Variants in PINX1 observed in about 807,000 individuals in gnomAD.
The protein encoded by PINX1 is PIN2/TERF1-interacting telomerase inhibitor 1.
PINX1 carries 34 observed loss-of-function variants against 25.4 expected under a neutral mutation model. The ratio of observed to expected loss-of-function variants is 1.34; its 90% CI spans 1.02 to 1.78. The LOEUF (loss-of-function observed/expected upper bound fraction) is 1.78. PINX1 is among the 40% of genes most tolerant of loss of function. PINX1 has a pLI of 0.00. For synonymous variants in PINX1, 197 were observed against 147.7 expected (o/e 1.33, Z -2.42); for missense variants, 592 against 404.9 (o/e 1.46, Z -3.97).
chr8:10,804,328 A>G (rs1375171965), intron 6 of PINX1, among the ~76,000 whole-genome samples: 1 of 152,210 alleles, frequency 6.6e-6, no homozygotes, highest in East Asian at 1.9e-4. Context: ...CAAATAAAAC[A>G]ATGAGCCAGA....
chr8:10,803,223 C>G (rs1378307505), intron 6 of PINX1, among the ~76,000 whole-genome samples: 1 of 152,146 alleles, frequency 6.6e-6, no homozygotes, highest in Admixed American at 6.5e-5. Context: ...AGGTGAATCC[C>G]AGACATCAAG....
rs139007201 is a variant in PINX1 at position 10,765,296 on chromosome 8, G to A, written c.*105C>T. On this transcript the variant is annotated 3_prime_UTR_variant, in exon 7 of 7. Transcript: ENST00000314787. ...AGCCCATGGGCATGCCACAAGATGC[G>A]CCCAGGCGCTCTGGGGTGAACTCTG... The A allele has an allele frequency of 0.013, 14,745 of 1,109,846 alleles. 146 individuals are homozygous for A. Among genetic ancestry groups the A allele is most frequent in the Middle Eastern group, 0.016 (56 of 3,588 alleles). The allele number at this position is 1,109,846 out of a possible 1,614,324, so 68.7% of individuals were successfully genotyped here.
At position 10,782,213 on chromosome 8, in the gene PINX1, T is replaced by C. The variant is rs1801607127; in HGVS notation, c.472-16297A>G. On this transcript the variant is annotated intron_variant, in intron 6 of 6. Coordinates refer to ENST00000314787, the MANE Select transcript of PINX1 (RefSeq NM_017884.6). ...GAGATGTAGGTCAAAGGATGCAAAG[T>C]AGCAGGTGTGTAGGTCCCCACACTG... Among the ~76,000 whole-genome samples the C allele has an allele frequency of 3.3e-5, 5 of 152,214 alleles. No homozygotes were observed. In the South Asian group the frequency reaches 1.0e-3, roughly 32 times the overall value.
chr8:10,833,099 T>G (rs1361609931), intron 2 of PINX1, 115 bp from the exon 3 acceptor site: 3 of 604,126 alleles, frequency 5.0e-6, no homozygotes, highest in Non-Finnish European at 8.7e-6. Context: ...GATGATTCTC[T>G]CCATTAAATA....
Position 10,834,768 on chromosome 8 carries a change from C to A in PINX1, c.27G>T (p.Arg9=), listed in dbSNP as rs758175222. The A allele has an allele frequency of 1.2e-6, 2 of 1,611,498 alleles. No individual in the cohort carries two copies. Among genetic ancestry groups the A allele is most frequent in the Non-Finnish European group, 1.7e-6 (2 of 1,178,718 alleles). The change falls in exon 2 of 7, where the codon CGG becomes CGT. Residue 9 remains arginine, a synonymous_variant. Transcript: ENST00000314787. The stretch of plus-strand genomic sequence containing the variant: ...GAGGATCCACAGCCCACTTCTGCTT[C>A]CGCCGACCTGTAAATGAAAAAGCAT... MSMLAERR[R]KQKWAVDPQN...
chr8:10,834,838 A>C, intron 1 of PINX1, 63 bp from the exon 2 acceptor site: 10 of 1,092,358 alleles, frequency 9.2e-6, no homozygotes, highest in Non-Finnish European at 1.4e-5. Flanking sequence ...CCACACAAAC[A>C]TACACATGCA....
At chr8:10,832,196 AAACT>A (rs1177975530) in intron 3 of PINX1, among the ~76,000 whole-genome samples, 2 of 152,178 alleles carry the variant, frequency 1.3e-5, no homozygotes, top group African/African-American at 4.8e-5. Context: ...CAATTTTACA[AAACT>A]CTGAGGAAGG....
rs746583094 is a variant in PINX1, at chr8:10,834,773, G to A, written c.22C>T (p.Arg8Trp). MSMLAER[R>W]RKQKWAVDPQ... ...TCCACAGCCCACTTCTGCTTCCGCC[G>A]ACCTGTAAATGAAAAAGCATTATCA... Residue 8 changes from arginine to tryptophan, a missense_variant and splice_region_variant, in exon 2 of 7, where the codon CGG (arginine) becomes TGG (tryptophan). Coordinates refer to ENST00000314787, the MANE Select transcript of PINX1 (RefSeq NM_017884.6). 2.5e-5 allele frequency: 41 copies of A among 1,609,478 alleles called. No individual in the cohort carries two copies. The highest frequency in any genetic ancestry group is 4.4e-5 in the South Asian group (4 of 90,454).
chr8:10,781,647 C>T (rs943980219), intron 6 of PINX1, among the ~76,000 whole-genome samples: 5 of 152,190 alleles, frequency 3.3e-5, no homozygotes, highest in African/African-American at 1.2e-4. Context: ...TATCATCCCA[C>T]ACCCATTAGG....
At chr8:10,785,064 T>C (rs1484327237) in intron 6 of PINX1, among the ~76,000 whole-genome samples, 3 of 151,868 alleles carry the variant, frequency 2.0e-5, no homozygotes, top group Non-Finnish European at 4.4e-5. Context: ...ATTTAAATCT[T>C]ACCAAGGAAA....
intron 6 of PINX1, chr8:10,771,353 C>T (rs1038809932): frequency 6.6e-6 from 1 of 152,234 alleles, no homozygotes; most frequent in African/African-American, 2.4e-5. Context: ...ATCCCCTGTA[C>T]ACAGTCCCGT....
At chr8:10,793,841 G>C (rs1398559604) in intron 6 of PINX1, among the ~76,000 whole-genome samples, 1 of 152,152 alleles carries the variant, frequency 6.6e-6, no homozygotes, top group Non-Finnish European at 1.5e-5. Flanking sequence ...GAGTCACTGA[G>C]GAGCCTCTTA....
chr8:10,825,412 A>G (rs916028021), intron 5 of PINX1: 2 of 534,820 alleles, frequency 3.7e-6, no homozygotes, highest in Non-Finnish European at 7.7e-6. Flanking sequence ...TATGTAAACT[A>G]TGTAATAAGT....
At chr8:10,833,047 T>G (rs1384626438) in intron 2 of PINX1, 63 bp from the exon 3 acceptor site, 2 of 1,033,978 alleles carry the variant, frequency 1.9e-6, no homozygotes, top group Non-Finnish European at 2.9e-6. Context: ...AGCAGAGCAC[T>G]GCTACAAAAC....
In PINX1 at chr8:10,820,177, G is replaced by A. The variant is rs370831012; in HGVS notation, c.471+16C>T. On this transcript the variant is annotated intron_variant, in intron 6 of 6. Transcript: ENST00000314787. ...AGTATTAAAGCGGAACACGGAAACT[G>A]TACGTGGCTTTATACCTCGGGAGTC... 93 of 1,528,322 alleles carry A rather than the reference G, an allele frequency of 6.1e-5. No homozygotes were observed. The highest frequency in any genetic ancestry group is 7.9e-5 in the Non-Finnish European group (87 of 1,102,482). 94.7% of individuals were successfully genotyped at this position (1,528,322 alleles called of 1,614,324 possible).
At chr8:10,824,062 T>C (rs1797961024) in intron 5 of PINX1, among the ~76,000 whole-genome samples, 1 of 151,830 alleles carries the variant, frequency 6.6e-6, no homozygotes, top group African/African-American at 2.4e-5. Flanking sequence ...CTGGCGAAAA[T>C]CTTTATTATC....
chr8:10,829,584 A>G (rs1798163815), intron 4 of PINX1, among the ~76,000 whole-genome samples: 1 of 152,248 alleles, frequency 6.6e-6, no homozygotes, highest in Non-Finnish European at 1.5e-5. Context: ...ATGAAAAGTC[A>G]GACCAGGATT....
At chr8:10,774,032 G>A (rs111334960) in intron 6 of PINX1, among the ~76,000 whole-genome samples, 4 of 152,282 alleles carry the variant, frequency 2.6e-5, no homozygotes, top group Non-Finnish European at 4.4e-5. Flanking sequence ...AGGTCAAATC[G>A]TTCTCTCCCC....
At chr8:10,831,530 T>G (rs1798226148) in intron 4 of PINX1, 135 bp downstream of exon 4, 2 of 644,686 alleles carry the variant, frequency 3.1e-6, no homozygotes, top group African/African-American at 1.8e-5. Flanking sequence ...TTACAAATTG[T>G]GCACAGGTAT....
Sources: allele counts gnomAD v4.1 joint callset (sites outside exome capture counted in the v4.1 genomes callset), GRCh38; gene constraint gnomAD v4.1.1; transcripts MANE v1.5; gene names NCBI Gene and HGNC (gene_info 2026-07-23, HGNC 2026-07-21).